SCYL2: variants seen among roughly 807,000 people sequenced by gnomAD.
SCYL2 encodes the protein SCY1 like pseudokinase 2, also known as SCY1-like protein 2.
Under a neutral mutation model 100.4 loss-of-function variants are expected in SCYL2, and 36 were observed. The ratio of observed to expected loss-of-function variants is 0.36; its 90% confidence interval spans 0.27 to 0.47. SCYL2 has a LOEUF of 0.47. Among genes scored for constraint, SCYL2 ranks in the 20% least tolerant of loss-of-function variants. The probability of loss-of-function intolerance (pLI) is 1.00; values close to 1 mark genes in which losing one functional copy is unlikely to be tolerated. For synonymous variants in SCYL2, 330 were observed against 359.2 expected (o/e 0.92, Z 0.92); for missense variants, 902 against 1,083.9 (o/e 0.83, Z 2.36).
chr12:100,327,138 C>G (rs1433240630), intron 12 of SCYL2: 1 of 350,172 alleles, frequency 2.9e-6, no homozygotes, highest in African/African-American at 2.2e-5. Flanking sequence ...TTATTTTATT[C>G]TTCCCCAAAT....
At chr12:100,312,266 G>T (rs879017781) in intron 5 of SCYL2, among the ~76,000 whole-genome samples, 166 bp from the exon 6 acceptor site, 1 of 152,096 alleles carries the variant, frequency 6.6e-6, no homozygotes, top group South Asian at 2.1e-4. Context: ...TTCTCATTTT[G>T]TTGCATGGAC....
intron 1 of SCYL2, among the ~76,000 whole-genome samples, chr12:100,280,493 C>T (rs2096296875): frequency 6.6e-6 from 1 of 152,130 alleles, no homozygotes; most frequent in Non-Finnish European, 1.5e-5. Context: ...TCATGTAACC[C>T]TAGAGATGCA....
intron 1 of SCYL2, among the ~76,000 whole-genome samples, chr12:100,277,256 G>GT (rs1480597495): frequency 4.6e-5 from 7 of 152,300 alleles, no homozygotes; most frequent in Admixed American, 3.9e-4. Context: ...TTTGTAGAGT[G>GT]TGTGTTTTAG....
chr12:100,309,727 T>C (rs1192189444), intron 4 of SCYL2, among the ~76,000 whole-genome samples: 2 of 152,226 alleles, frequency 1.3e-5, no homozygotes, highest in Non-Finnish European at 2.9e-5. Flanking sequence ...TGAATAATGC[T>C]GCTGTGCAAA....
chr12:100,325,012 C>T (rs2096360117), intron 11 of SCYL2, among the ~76,000 whole-genome samples: 1 of 152,074 alleles, frequency 6.6e-6, no homozygotes, highest in Non-Finnish European at 1.5e-5. Context: ...GAGTGGATCT[C>T]GAGCACTGAG....
rs541699753 is a variant in SCYL2 at position 100,283,575 on chromosome 12, G to A, written c.177+428G>A. Among the ~76,000 whole-genome samples, 5 of 152,156 alleles carry A rather than the reference G, an allele frequency of 3.3e-5. No individual in the cohort carries two copies. The East Asian group carries it at 9.7e-4, about 29-fold the overall frequency. ...GTGCGTCTTAGTGCAGTCAGTGCTGGGATTACAGCGTGAGCCACCGTGCCC... is the reference window on the plus strand; with the variant it reads ...GTGCGTCTTAGTGCAGTCAGTGCTGAGATTACAGCGTGAGCCACCGTGCCC... On this transcript the variant is annotated intron_variant, in intron 2 of 17. Coordinates refer to ENST00000360820, the MANE Select transcript of SCYL2 (RefSeq NM_017988.6).
intron 2 of SCYL2, among the ~76,000 whole-genome samples, chr12:100,284,022 T>C (rs559106345): frequency 1.3e-5 from 2 of 152,348 alleles, no homozygotes; most frequent in South Asian, 4.1e-4. Context: ...GAGTATTGAC[T>C]ACCTAAAAAC....
intron 1 of SCYL2, among the ~76,000 whole-genome samples, chr12:100,281,320 T>C (rs1429878069): frequency 1.3e-5 from 2 of 152,158 alleles, no homozygotes; most frequent in African/African-American, 4.8e-5. Flanking sequence ...TGAATGCTTC[T>C]TTATTAGGAA....
In SCYL2 at chr12:100,283,289, T is replaced by A. The variant is rs1026081432; in HGVS notation, c.177+142T>A. ...GTTCTTTAGTTCTCATTTTATCTTA[T>A]TAAGTCATACAAAAAAACAAATGCT... On this transcript the variant is annotated intron_variant, in intron 2 of 17. Transcript: ENST00000360820. The A allele has an allele frequency of 1.1e-5, 7 of 650,302 alleles. No homozygotes were observed. The African/African-American group carries it at 1.3e-4, about 12-fold the overall frequency. 40.3% of individuals were successfully genotyped at this position (650,302 alleles called of 1,614,324 possible).
At chr12:100,296,134 T>G (rs771089314) in intron 3 of SCYL2, among the ~76,000 whole-genome samples, 2 of 152,234 alleles carry the variant, frequency 1.3e-5, no homozygotes, top group Non-Finnish European at 2.9e-5. Flanking sequence ...AATTAGGAAT[T>G]TATTGGCAAT....
chr12:100,274,279 C>T (rs940511633), intron 1 of SCYL2, among the ~76,000 whole-genome samples: 1 of 152,198 alleles, frequency 6.6e-6, no homozygotes, highest in African/African-American at 2.4e-5. Context: ...ATGTGCTCCT[C>T]TTGCACATTT....
chr12:100,273,334 C>G (rs770292003), intron 1 of SCYL2, among the ~76,000 whole-genome samples: 5 of 152,038 alleles, frequency 3.3e-5, no homozygotes, highest in Non-Finnish European at 7.4e-5. Context: ...CATTCTATTC[C>G]TCTTCTTTTT....
intron 8 of SCYL2, among the ~76,000 whole-genome samples, chr12:100,315,008 G>A (rs1199992298): frequency 6.6e-6 from 1 of 152,176 alleles, no homozygotes; most frequent in Non-Finnish European, 1.5e-5. Context: ...AAATGTTGGT[G>A]AATGCTGAAG....
chr12:100,290,352 C>G (rs2135848243), intron 2 of SCYL2, among the ~76,000 whole-genome samples: 2 of 152,254 alleles, frequency 1.3e-5, no homozygotes, highest in South Asian at 4.1e-4. Context: ...AGTTACAGTG[C>G]TAAATAATTC....
Position 100,298,144 on chromosome 12 carries a change from A to G in SCYL2, c.449A>G (p.Tyr150Cys), listed in dbSNP as rs1267540885. Residue 150 changes from tyrosine to cysteine, a missense_variant, in exon 4 of 18, where the codon TAT becomes TGT. By Grantham distance (194) the Tyr-to-Cys change is radical. Transcript: ENST00000360820. ...CCAGACATTAAGGATTATAAACTTT[A>G]TGATGTAGAAACCAAATATGGTTTG... ...ISPDIKDYKL[Y>C]DVETKYGLLQ... The G allele has an allele frequency of 6.3e-7, 1 of 1,582,552 alleles. No homozygotes were observed. The highest frequency in any genetic ancestry group is 2.3e-5 in the East Asian group (1 of 43,600).
rs758028527 is a variant in SCYL2 at position 100,298,104 on chromosome 12, C to T, written c.409C>T (p.Pro137Ser). The T allele has an allele frequency of 1.2e-6, 2 of 1,607,892 alleles. No homozygotes were observed. The highest frequency in any genetic ancestry group is 1.7e-5 in the Admixed American group (1 of 59,510). Residue 137 changes from proline to serine, a missense_variant, in exon 4 of 18, where the codon CCT becomes TCT. Pro to Ser is a moderately conservative substitution (Grantham distance 74, BLOSUM62 -1). Transcript: ENST00000360820. ...TGTTCTTGGTAACTGGGAAAATCTACCTTCCCCTATATCTCCAGACATTAA... is the reference window on the plus strand; with the variant it reads ...TGTTCTTGGTAACTGGGAAAATCTATCTTCCCCTATATCTCCAGACATTAA... ...ANVLGNWENL[P>S]SPISPDIKDY...
At chr12:100,309,807 C>G (rs959781568) in intron 4 of SCYL2, among the ~76,000 whole-genome samples, 1 of 152,144 alleles carries the variant, frequency 6.6e-6, no homozygotes, top group Non-Finnish European at 1.5e-5. Context: ...AATAGAATTG[C>G]TGGATCATAC....
intron 2 of SCYL2, among the ~76,000 whole-genome samples, chr12:100,287,436 G>C (rs2096305597): frequency 1.3e-5 from 2 of 152,148 alleles, no homozygotes; most frequent in Non-Finnish European, 2.9e-5. Flanking sequence ...TGAGATTACA[G>C]ACGTGTGCCG....
chr12:100,301,349 GT>G (rs984411464), intron 4 of SCYL2, among the ~76,000 whole-genome samples: 1 of 150,782 alleles, frequency 6.6e-6, no homozygotes, highest in African/African-American at 2.4e-5. Flanking sequence ...CAGATTATTA[GT>G]TTTTTTTTCA....
Sources: allele counts gnomAD v4.1 joint callset (sites outside exome capture counted in the v4.1 genomes callset), GRCh38; gene constraint gnomAD v4.1.1; transcripts MANE v1.5; gene names NCBI Gene and HGNC (gene_info 2026-07-23, HGNC 2026-07-21).